The following HMGCS2 variants were observed in gnomAD, a reference collection of about 807,000 sequenced individuals.
HMGCS2 encodes 3-hydroxy-3-methylglutaryl-CoA synthase 2.
A neutral mutation model predicts 57.4 loss-of-function variants in HMGCS2; 50 were observed. The ratio of observed to expected loss-of-function variants is 0.87; its 90% CI spans 0.69 to 1.10. The LOEUF is 1.10. HMGCS2 is among the 50% of genes least tolerant of loss of function. The probability of loss-of-function intolerance (pLI) is 0.00; values close to 1 mark genes in which losing one functional copy is unlikely to be tolerated. For synonymous variants in HMGCS2, 254 were observed against 245.1 expected, an observed-to-expected ratio of 1.04 and a Z score of -0.34; for missense variants, 627 against 636.5, an observed-to-expected ratio of 0.99 and a Z score of 0.16.
At chr1:119,753,488 C>T in intron 6 of HMGCS2, 102 bp from the exon 7 acceptor site, 1 of 720,736 alleles carries the variant, frequency 1.4e-6, no homozygotes, top group Non-Finnish European at 2.5e-6. Flanking sequence ...TCAAATAGAA[C>T]AACAGCCTAT....
At chr1:119,757,218 C>A (rs1571035494) in intron 5 of HMGCS2, 55 bp downstream of exon 5, 1 of 1,612,972 alleles carries the variant, frequency 6.2e-7, no homozygotes, top group African/African-American at 1.3e-5. Flanking sequence ...CATGAAGAAG[C>A]CTCCTTCTTG....
In HMGCS2 at chr1:119,755,507, C is replaced by T; in HGVS notation, c.1107G>A (p.Lys369=). The change falls in exon 6 of 10, where the codon AAG becomes AAA. Residue 369 remains lysine (K), a synonymous_variant. Coordinates refer to ENST00000369406, the MANE Select transcript of HMGCS2 (RefSeq NM_005518.4). ...ASQDMFDKKT[K]ASLYLSTHNG... ...TGTGAGTGGAGAGGTAAAGGGAAGC[C>T]TTGGTTTTCTTGTCGAACATGTCCT... is the stretch of plus-strand genomic sequence containing the variant. The T allele has an allele frequency of 6.2e-7, 1 of 1,613,960 alleles. No individual in the cohort carries two copies.
intron 7 of HMGCS2, among the ~76,000 whole-genome samples, 188 bp downstream of exon 7, chr1:119,753,092 C>T (rs1347904046): frequency 6.6e-6 from 1 of 152,106 alleles, no homozygotes; most frequent in African/African-American, 2.4e-5. Flanking sequence ...AAGTAGTAGC[C>T]AAATAAGTGC....
chr1:119,750,732 C>T, intron 9 of HMGCS2, 65 bp downstream of exon 9: 1 of 1,024,244 alleles, frequency 9.8e-7, no homozygotes, highest in South Asian at 1.3e-5. Context: ...CCTTCTCTCT[C>T]TGTGTTGTTA....
chr1:119,761,279 C>G (rs377534261), intron 2 of HMGCS2, among the ~76,000 whole-genome samples: 2 of 150,070 alleles, frequency 1.3e-5, no homozygotes, highest in Non-Finnish European at 3.0e-5. Flanking sequence ...AGCACACACA[C>G]GCACACATTT....
intron 1 of HMGCS2, among the ~76,000 whole-genome samples, chr1:119,766,367 T>C (rs1417662848): frequency 6.6e-6 from 1 of 152,176 alleles, no homozygotes; most frequent in Non-Finnish European, 1.5e-5. Context: ...TTAGCTCCAT[T>C]CTACGGGAGC....
chr1:119,749,837 C>T (rs935184678), intron 9 of HMGCS2, among the ~76,000 whole-genome samples: 1 of 152,136 alleles, frequency 6.6e-6, no homozygotes, highest in Non-Finnish European at 1.5e-5. Flanking sequence ...ATCTTAAAAA[C>T]TTGAGCATGG....
intron 7 of HMGCS2, among the ~76,000 whole-genome samples, 161 bp downstream of exon 7, chr1:119,753,119 A>G (rs1170887652): frequency 6.6e-6 from 1 of 152,154 alleles, no homozygotes; most frequent in Non-Finnish European, 1.5e-5. Context: ...CACATAAATT[A>G]AACAAACTTA....
chr1:119,753,213 G>T (rs1652719165), intron 7 of HMGCS2, 67 bp downstream of exon 7: 5 of 934,542 alleles, frequency 5.4e-6, no homozygotes, highest in East Asian at 2.4e-5. Flanking sequence ...AGTAATGGTG[G>T]GGAAGAAGAT....
intron 2 of HMGCS2, among the ~76,000 whole-genome samples, chr1:119,761,022 CA>C (rs1216044025): frequency 1.3e-5 from 2 of 151,642 alleles, no homozygotes; most frequent in Non-Finnish European, 2.9e-5. Context: ...ATAACAATCC[CA>C]ACTCCAACAT....
chr1:119,763,730 G>A (rs1049517425), intron 2 of HMGCS2, among the ~76,000 whole-genome samples: 1 of 152,220 alleles, frequency 6.6e-6, no homozygotes, highest in Admixed American at 6.5e-5. Context: ...TTCTGGGCCT[G>A]TTTCTATGAA....
chr1:119,759,327 T>C (rs1163452917), intron 3 of HMGCS2, 45 bp from the exon 4 acceptor site: 2 of 1,579,624 alleles, frequency 1.3e-6, no homozygotes, highest in African/African-American at 1.3e-5. Context: ...CAATGCAGCC[T>C]ACCTTGAGCA....
chr1:119,759,963 C>G lies in HMGCS2; in HGVS notation c.586G>C (p.Asp196His), dbSNP rs149314406. Residue 196 changes from aspartate to histidine, a missense_variant, in exon 3 of 10, where the codon GAC becomes CAC. Asp to His is a moderately conservative substitution (Grantham distance 81). Coordinates refer to ENST00000369406, the MANE Select transcript of HMGCS2 (RefSeq NM_005518.4). ...DGRYAMVVCGDIAVYPSGNAR... is the reference protein window; with the variant it reads ...DGRYAMVVCGHIAVYPSGNAR... ...TTACCACTGGGATAGACGGCAATGTCTCCACAGACCACCATGGCATAACGA... is the reference window on the plus strand; with the variant it reads ...TTACCACTGGGATAGACGGCAATGTGTCCACAGACCACCATGGCATAACGA... 96 of 1,613,972 alleles carry G rather than the reference C, an allele frequency of 5.9e-5. No individual in the cohort carries two copies. The highest frequency in any genetic ancestry group is 2.7e-5 in the African/African-American group (2 of 74,922).
chr1:119,763,505 T>C (rs1162232949), intron 2 of HMGCS2, among the ~76,000 whole-genome samples: 1 of 152,192 alleles, frequency 6.6e-6, no homozygotes, highest in African/African-American at 2.4e-5. Flanking sequence ...AATTTATCAA[T>C]GATTATTGAT....
intron 1 of HMGCS2, among the ~76,000 whole-genome samples, chr1:119,766,133 C>G (rs1412809980): frequency 1.3e-5 from 2 of 152,114 alleles, no homozygotes; most frequent in Non-Finnish European, 2.9e-5. Context: ...AATCTGTGTT[C>G]CCTTTTGTAT....
In HMGCS2 at chr1:119,759,479, C is replaced by T. The variant is rs17024213; in HGVS notation, c.686-197G>A. On this transcript the variant is annotated intron_variant, in intron 3 of 9. Transcript: ENST00000369406. Reference sequence around the variant, plus strand: ...TATTACAAAAATGAGATGTATATTTCCCTTTCCTCACCTACATGGGCTTAA... The same window carrying T: ...TATTACAAAAATGAGATGTATATTTTCCTTTCCTCACCTACATGGGCTTAA... 2,169 of 645,400 alleles carry T rather than the reference C, an allele frequency of 3.4e-3. 36 individuals carry two copies. In the East Asian group the frequency reaches 0.034, roughly 10 times the overall value. 40.0% of individuals were successfully genotyped at this position (645,400 alleles called of 1,614,324 possible).
intron 6 of HMGCS2, among the ~76,000 whole-genome samples, chr1:119,755,088 C>T (rs900615307): frequency 2.0e-5 from 3 of 152,124 alleles, no homozygotes; most frequent in Admixed American, 6.5e-5. Context: ...ACAATCATGG[C>T]TCACTGCAAC....
intron 1 of HMGCS2, among the ~76,000 whole-genome samples, chr1:119,766,554 G>T (rs1653238406): frequency 1.3e-5 from 2 of 152,216 alleles, no homozygotes; most frequent in Admixed American, 6.5e-5. Flanking sequence ...TCTGACAGGA[G>T]AGGTTTGGAG....
At position 119,764,435 on chromosome 1, in the gene HMGCS2, T is replaced by C. The variant is rs781647908; in HGVS notation, c.296A>G (p.Gln99Arg). 13 of 1,614,134 alleles carry C rather than the reference T, an allele frequency of 8.1e-6. 1 individual carries two copies. In the South Asian group the frequency reaches 1.4e-4, roughly 18 times the overall value. ...GQTRMGFCSV[Q>R]EDINSLCLTV... ...CAGGCACAGGGAGTTGATGTCCTCT[T>C]GGACTGAGCAGAAGCCCATACGGGT... is the stretch of plus-strand genomic sequence containing the variant. The change falls in exon 2 of 10, where the codon CAA becomes CGA. Residue 99 changes from glutamine to arginine, a missense_variant. Coordinates refer to ENST00000369406, the MANE Select transcript of HMGCS2 (RefSeq NM_005518.4).
Sources: allele counts gnomAD v4.1 joint callset (sites outside exome capture counted in the v4.1 genomes callset), GRCh38; gene constraint gnomAD v4.1.1; transcripts MANE v1.5; gene names NCBI Gene and HGNC (gene_info 2026-07-23, HGNC 2026-07-21).